The following CGNL1 variants were observed in gnomAD, a reference collection of about 807,000 sequenced individuals.
CGNL1 encodes cingulin-like protein 1.
A neutral mutation model predicts 141.2 loss-of-function variants in CGNL1; 132 were observed. The observed-to-expected ratio is 0.93, with a 90% CI of 0.81 to 1.08. The LOEUF (loss-of-function observed/expected upper bound fraction) is 1.08. Among genes scored for constraint, CGNL1 ranks in the 50% least tolerant of loss-of-function variants. The pLI, the probability that CGNL1 is intolerant of heterozygous loss-of-function variation, is 0.00. For synonymous variants in CGNL1, 690 were observed against 622.1 expected (o/e 1.11, Z -1.63); for missense variants, 1,870 against 1,588.6 (o/e 1.18, Z -3.01).
rs2063146128 is a variant in CGNL1, at chr15:57,438,968, C to T, written c.969C>T (p.Ala323=). The T allele has an allele frequency of 2.5e-6, 4 of 1,614,160 alleles. No individual in the cohort carries two copies. Among genetic ancestry groups the T allele is most frequent in the Non-Finnish European group, 3.4e-6 (4 of 1,180,028 alleles). The part of the protein sequence containing the change: ...LLDDQECAIH[A]DNVNRHENRR... The stretch of plus-strand genomic sequence containing the variant: ...ATGATCAGGAATGTGCCATCCATGC[C>T]GACAACGTCAATCGTCATGAAAACA... Residue 323 remains alanine (A), a synonymous_variant, in exon 2 of 19, where the codon GCC becomes GCT. Transcript: ENST00000281282.
At chr15:57,408,216 C>G (rs1196949988) in intron 1 of CGNL1, among the ~76,000 whole-genome samples, 3 of 152,058 alleles carry the variant, frequency 2.0e-5, no homozygotes, top group African/African-American at 4.8e-5. Flanking sequence ...TTCCCACAAG[C>G]AGCTGAAGGC....
intron 1 of CGNL1, among the ~76,000 whole-genome samples, chr15:57,422,746 G>C (rs760209818): frequency 6.6e-6 from 1 of 152,206 alleles, no homozygotes; most frequent in Non-Finnish European, 1.5e-5. Flanking sequence ...GAGGCACCTA[G>C]TGTCAGTATT....
intron 10 of CGNL1, among the ~76,000 whole-genome samples, chr15:57,520,947 C>T (rs140811763): frequency 1.3e-4 from 20 of 152,288 alleles, no homozygotes; most frequent in African/African-American, 4.3e-4. Context: ...GTAAAATCTG[C>T]GTCTGTTGAC....
At chr15:57,452,676 T>C (rs957075210) in intron 6 of CGNL1, among the ~76,000 whole-genome samples, 6 of 144,132 alleles carry the variant, frequency 4.2e-5, no homozygotes, top group African/African-American at 1.5e-4. Context: ...CCTGTGCATT[T>C]TATCCTCGAT....
chr15:57,447,673 T>A (rs1358402981), intron 4 of CGNL1, among the ~76,000 whole-genome samples: 2 of 152,190 alleles, frequency 1.3e-5, no homozygotes, highest in African/African-American at 4.8e-5. Flanking sequence ...GAAAAATTCT[T>A]GGCTATTATT....
rs747673960 is a variant in CGNL1 at position 57,439,347 on chromosome 15, G to A, written c.1348G>A (p.Ala450Thr). The change falls in exon 2 of 19, where the codon GCA becomes ACA. Residue 450 changes from alanine to threonine, a missense_variant. Ala to Thr is a moderately conservative substitution (Grantham distance 58). Transcript: ENST00000281282. The part of the protein sequence containing the change: ...VGRTFAKLQG[A>T]AHGASCAHSR... Reference sequence around the variant, plus strand: ...CCGCACCTTTGCAAAGCTGCAGGGAGCAGCGCACGGGGCTTCATGTGCCCA... The same window carrying A: ...CCGCACCTTTGCAAAGCTGCAGGGAACAGCGCACGGGGCTTCATGTGCCCA... 16 of 1,614,134 alleles carry A rather than the reference G, an allele frequency of 9.9e-6. No homozygotes were observed. The highest frequency in any genetic ancestry group is 1.4e-5 in the Non-Finnish European group (16 of 1,180,042).
chr15:57,512,035 G>T (rs749674732), intron 8 of CGNL1, among the ~76,000 whole-genome samples: 2 of 152,174 alleles, frequency 1.3e-5, no homozygotes, highest in African/African-American at 2.4e-5. Context: ...AGCAGTACTT[G>T]TCCCCAGGGA....
chr15:57,503,848 A>G (rs1473335957), intron 8 of CGNL1, among the ~76,000 whole-genome samples: 2 of 152,154 alleles, frequency 1.3e-5, no homozygotes, highest in Non-Finnish European at 2.9e-5. Flanking sequence ...GATGGGAAAG[A>G]CTGGCCCCCA....
At chr15:57,410,951 A>G (rs1354634446) in intron 1 of CGNL1, among the ~76,000 whole-genome samples, 3 of 152,228 alleles carry the variant, frequency 2.0e-5, no homozygotes, top group South Asian at 2.1e-4. Flanking sequence ...TGGTGTTTTC[A>G]TACAAGAATC....
At chr15:57,473,428 C>A (rs1488434119) in intron 8 of CGNL1, among the ~76,000 whole-genome samples, 1 of 152,162 alleles carries the variant, frequency 6.6e-6, no homozygotes, top group African/African-American at 2.4e-5. Context: ...ACAGGAATAC[C>A]TACAGTGGCA....
intron 1 of CGNL1, chr15:57,377,121 C>G (rs914455009): frequency 4.6e-5 from 7 of 152,218 alleles, no homozygotes; most frequent in African/African-American, 7.2e-5. Flanking sequence ...TTCTAGCTCT[C>G]CCCGGGACTT....
At chr15:57,446,946 C>G in intron 4 of CGNL1, among the ~76,000 whole-genome samples, 1 of 152,006 alleles carries the variant, frequency 6.6e-6, no homozygotes, top group East Asian at 1.9e-4. Context: ...CTTTAGTAAG[C>G]CTTCAGATCT....
chr15:57,545,490 C>T, intron 16 of CGNL1, 102 bp from the exon 17 acceptor site: 5 of 991,760 alleles, frequency 5.0e-6, no homozygotes, highest in Non-Finnish European at 7.6e-6. Context: ...CTTGAGCTGA[C>T]CAGGCACCCC....
chr15:57,525,632 C>A (rs1199122124), intron 12 of CGNL1, among the ~76,000 whole-genome samples: 2 of 152,010 alleles, frequency 1.3e-5, no homozygotes, highest in Non-Finnish European at 2.9e-5. Flanking sequence ...ATGAACAGTG[C>A]CGAGAGCACC....
At chr15:57,497,944 A>G (rs7181778) in intron 8 of CGNL1, among the ~76,000 whole-genome samples, 4 of 152,194 alleles carry the variant, frequency 2.6e-5, no homozygotes, top group South Asian at 2.1e-4. Flanking sequence ...TTCTCTGTAC[A>G]CTTGAGGATC....
chr15:57,453,813 A>C lies in CGNL1; in HGVS notation c.2185A>C (p.Ile729Leu). ...RSEDREKGAL[I>L]EELLQAKQDL... ...GGAGGACAGGGAGAAGGGAGCTCTG[A>C]TTGAGGTAAGCAGGGCTGTGGGGTC... The change falls in exon 7 of 19, where the codon ATT (isoleucine) becomes CTT (leucine). Residue 729 changes from isoleucine to leucine, a missense_variant. Transcript: ENST00000281282. 6.2e-7 allele frequency: 1 copy of C among 1,613,366 alleles called. No individual in the cohort carries two copies. Among genetic ancestry groups the C allele is most frequent in the Non-Finnish European group, 8.5e-7 (1 of 1,179,840 alleles).
chr15:57,453,532 T>A, intron 6 of CGNL1, 151 bp from the exon 7 acceptor site: 1 of 896,300 alleles, frequency 1.1e-6, no homozygotes, highest in Non-Finnish European at 1.6e-6. Context: ...CCTTTTCAGG[T>A]TGGTGATCCC....
rs1183165972 is a variant in CGNL1, at chr15:57,383,220, AAGAG to A, written c.-16+6663_-16+6666del. 5.3e-5 allele frequency among the ~76,000 whole-genome samples: 8 copies of A among 152,060 alleles called. 1 individual carries two copies. The South Asian group carries it at 8.3e-4, about 16-fold the overall frequency. On this transcript the variant is annotated intron_variant, in intron 1 of 18. Coordinates refer to ENST00000281282, the MANE Select transcript of CGNL1 (RefSeq NM_032866.5). ...CCTGATAAAGAATGGAGTGAGAGAT[AAGAG>A]AGAGAGAGAAAATAGCTTGCAAAGG...
chr15:57,396,044 T>C (rs1160592789), intron 1 of CGNL1, among the ~76,000 whole-genome samples: 3 of 152,322 alleles, frequency 2.0e-5, no homozygotes, highest in African/African-American at 7.2e-5. Flanking sequence ...CTCTTTGTAT[T>C]TGGCTTTTTT....
Sources: gnomAD v4.1 joint callset for allele counts (sites outside exome capture counted in the v4.1 genomes callset) on GRCh38, gnomAD v4.1.1 for gene constraint, MANE v1.5 for transcripts, NCBI Gene and HGNC (gene_info 2026-07-23, HGNC 2026-07-21) for gene names.